TRPC5: variants seen among roughly 807,000 people sequenced by gnomAD.
TRPC5 encodes short transient receptor potential channel 5.
Under a neutral mutation model 56.5 loss-of-function variants are expected in TRPC5, and 9 were observed. That is an observed-to-expected ratio of 0.16 (90% CI 0.10 to 0.28). The LOEUF (loss-of-function observed/expected upper bound fraction) is 0.28, where lower values mean the gene tolerates loss of function less well. Ranked by LOEUF, TRPC5 falls within the 10% of genes least tolerant of loss-of-function variation. TRPC5 has a pLI of 1.00. For synonymous variants in TRPC5, 282 were observed against 278.5 expected (o/e 1.01, Z -0.13); for missense variants, 469 against 748.9 (o/e 0.63, Z 4.36).
At chrX:112,039,442 CT>C (rs1479362399) in intron 1 of TRPC5, among the ~76,000 whole-genome samples, 2 of 111,593 alleles carry the variant, frequency 1.8e-5, no homozygotes, top group Non-Finnish European at 3.8e-5. Flanking sequence ...GTTGCCACTC[CT>C]TTTGTTTTTT....
In TRPC5 at chrX:111,977,982, T is replaced by C. The variant is rs201192088; in HGVS notation, c.-21-25541A>G. 2.7e-5 allele frequency among the ~76,000 whole-genome samples: 3 copies of C among 111,034 alleles called. No individual in the cohort carries two copies. The East Asian group carries it at 8.5e-4, about 31-fold the overall frequency. ...AACAAAATATAAGTGTTGGTGAGGA[T>C]GTAGAGAAAGGGGAATTTTTGTACA... On this transcript the variant is annotated intron_variant, in intron 1 of 10. Coordinates refer to ENST00000262839, the MANE Select transcript of TRPC5 (RefSeq NM_012471.3).
At chrX:111,891,324 C>T (rs1223340282) in intron 3 of TRPC5, among the ~76,000 whole-genome samples, 2 of 111,623 alleles carry the variant, frequency 1.8e-5, no homozygotes, top group African/African-American at 6.5e-5. Context: ...CTGATTTACA[C>T]TCATACTAAC....
intron 7 of TRPC5, among the ~76,000 whole-genome samples, chrX:111,804,600 T>A (rs1047063254): frequency 9.0e-6 from 1 of 111,681 alleles, no homozygotes; most frequent in Admixed American, 9.6e-5. Flanking sequence ...AGGTATTTTA[T>A]TCTTTTTGTA....
chrX:111,913,941 C>A (rs1239870006), intron 2 of TRPC5, among the ~76,000 whole-genome samples: 27 of 88,136 alleles, frequency 3.1e-4, no homozygotes, highest in Non-Finnish European at 5.9e-4. Context: ...GCCTGGGCAA[C>A]AGAGCAAGAC....
chrX:111,964,266 G>T (rs1927489095), intron 1 of TRPC5, among the ~76,000 whole-genome samples: 1 of 111,702 alleles, frequency 9.0e-6, no homozygotes, highest in African/African-American at 3.3e-5. Flanking sequence ...AGAAGGGAAG[G>T]TTAGAGAAAA....
At chrX:111,950,281 C>T (rs1172465534) in intron 2 of TRPC5, among the ~76,000 whole-genome samples, 4 of 109,215 alleles carry the variant, frequency 3.7e-5, no homozygotes, top group African/African-American at 1.0e-4. Context: ...GCCGAGATCG[C>T]ACCACTGCAC....
intron 3 of TRPC5, among the ~76,000 whole-genome samples, chrX:111,911,435 A>G (rs1157831254): frequency 8.9e-6 from 1 of 112,529 alleles, no homozygotes; most frequent in Non-Finnish European, 1.9e-5. Flanking sequence ...TTTAGGTCAT[A>G]CAGCTAGTGG....
intron 1 of TRPC5, among the ~76,000 whole-genome samples, chrX:112,004,482 C>T (rs1426330993): frequency 8.9e-6 from 1 of 112,144 alleles, no homozygotes; most frequent in African/African-American, 3.2e-5. Context: ...TGGAACCACA[C>T]TATCAATTTG....
rs770283826 is a variant in TRPC5, at chrX:111,978,625, C to A, written c.-21-26184G>T. Among the ~76,000 whole-genome samples, 51 of 111,053 alleles carry A rather than the reference C, an allele frequency of 4.6e-4. 1 individual carries two copies. Among genetic ancestry groups the A allele is most frequent in the African/African-American group, 1.6e-3 (49 of 30,710 alleles). Reference sequence around the variant, plus strand: ...ATAGTGGCTTTATTTTTAATAGCCCCAATTTCAGTCTTACAAGATGAATAA... The same window carrying A: ...ATAGTGGCTTTATTTTTAATAGCCCAAATTTCAGTCTTACAAGATGAATAA... On this transcript the variant is annotated intron_variant, in intron 1 of 10. Transcript: ENST00000262839.
chrX:111,842,330 G>T (rs1369371344), intron 6 of TRPC5, among the ~76,000 whole-genome samples: 1 of 104,594 alleles, frequency 9.6e-6, no homozygotes. Flanking sequence ...TAGAGACGGG[G>T]TTTCCTCATG....
intron 10 of TRPC5, among the ~76,000 whole-genome samples, chrX:111,778,144 T>A (rs962344786): frequency 7.2e-4 from 80 of 110,581 alleles, no homozygotes; most frequent in African/African-American, 2.5e-3. Flanking sequence ...CAGGGGCCTG[T>A]CAGGTGGTGG....
rs1055424993 is a variant in TRPC5, at chrX:111,913,613, A to C, written c.379-801T>G. Reference sequence around the variant, plus strand: ...GGGGCTTCTTTGGGTATTCAGGAGCACTTCCGGGTGAGTGTGCAGAACCTG... The same window carrying C: ...GGGGCTTCTTTGGGTATTCAGGAGCCCTTCCGGGTGAGTGTGCAGAACCTG... On this transcript the variant is annotated intron_variant, in intron 2 of 10. Coordinates refer to ENST00000262839, the MANE Select transcript of TRPC5 (RefSeq NM_012471.3). Among the ~76,000 whole-genome samples, 7 of 111,460 alleles carry C rather than the reference A, an allele frequency of 6.3e-5. No individual in the cohort carries two copies. In the Admixed American group the frequency reaches 6.7e-4, roughly 11 times the overall value.
At chrX:112,066,957 G>A (rs188828123) in intron 1 of TRPC5, among the ~76,000 whole-genome samples, 2 of 112,008 alleles carry the variant, frequency 1.8e-5, no homozygotes, top group East Asian at 5.6e-4. Context: ...CGTGAGAATG[G>A]CCTTTCAGGG....
intron 3 of TRPC5, among the ~76,000 whole-genome samples, chrX:111,888,099 G>C (rs916285627): frequency 1.8e-5 from 2 of 111,333 alleles, no homozygotes; most frequent in Non-Finnish European, 3.8e-5. Flanking sequence ...TAGCTCTTTT[G>C]ATATTTGAGT....
intron 3 of TRPC5, among the ~76,000 whole-genome samples, chrX:111,869,150 ATTT>A (rs200465770): frequency 1.0e-5 from 1 of 98,479 alleles, no homozygotes. Context: ...GCAGTGCAGC[ATTT>A]TTTTTTTTTT....
chrX:112,032,847 G>C (rs1008619354), intron 1 of TRPC5, among the ~76,000 whole-genome samples: 4 of 111,187 alleles, frequency 3.6e-5, no homozygotes, highest in African/African-American at 1.3e-4. Flanking sequence ...CTGTGGTTTT[G>C]ATTTTCATTT....
chrX:111,953,685 A>C (rs1927153876), intron 1 of TRPC5, among the ~76,000 whole-genome samples: 1 of 112,293 alleles, frequency 8.9e-6, no homozygotes, highest in African/African-American at 3.2e-5. Flanking sequence ...AAGGACATGG[A>C]AATGTGCTAA....
At chrX:111,885,859 T>C (rs1243627034) in intron 3 of TRPC5, among the ~76,000 whole-genome samples, 1 of 112,115 alleles carries the variant, frequency 8.9e-6, no homozygotes, top group Non-Finnish European at 1.9e-5. Context: ...TACTTGCTTA[T>C]TGTCATCATC....
intron 2 of TRPC5, among the ~76,000 whole-genome samples, chrX:111,924,229 T>C (rs1926199289): frequency 9.0e-6 from 1 of 111,678 alleles, no homozygotes; most frequent in Non-Finnish European, 1.9e-5. Context: ...CTTCTTATTT[T>C]ATATTTTTTC....
Sources: allele counts gnomAD v4.1 joint callset (sites outside exome capture counted in the v4.1 genomes callset), GRCh38; gene constraint gnomAD v4.1.1; transcripts MANE v1.5; gene names NCBI Gene and HGNC (gene_info 2026-07-23, HGNC 2026-07-21).